Variants in ZNF189 observed in about 807,000 individuals in gnomAD.
ZNF189 encodes zinc finger protein 189.
A neutral mutation model predicts 53.5 loss-of-function variants in ZNF189; 33 were observed. The observed-to-expected ratio is 0.62, with a 90% CI of 0.47 to 0.82. The LOEUF is 0.82. ZNF189 is among the 40% of genes least tolerant of loss of function. ZNF189 has a pLI of 0.00. For missense variants in ZNF189, 711 were observed against 753.9 expected (o/e 0.94, Z 0.67); for synonymous variants, 247 against 238.8 (o/e 1.03, Z -0.32).
rs75565993 is a variant in ZNF189, at chr9:101,400,740, A to G, written c.160+730A>G. ...TTTCCACTTTTACTCAGCACCTTAC[A>G]TCATTGATCATACCAGTTTTGTCAT... is the stretch of plus-strand genomic sequence containing the variant. On this transcript the variant is annotated intron_variant, in intron 2 of 2. Coordinates refer to ENST00000339664, the MANE Select transcript of ZNF189 (RefSeq NM_003452.4). Among the ~76,000 whole-genome samples the G allele has an allele frequency of 3.1e-3, 469 of 152,302 alleles. 3 individuals carry two copies. Among genetic ancestry groups the G allele is most frequent in the African/African-American group, 0.011 (439 of 41,564 alleles).
At chr9:101,403,998 C>T (rs950002414) in intron 2 of ZNF189, among the ~76,000 whole-genome samples, 2 of 152,172 alleles carry the variant, frequency 1.3e-5, no homozygotes, top group African/African-American at 2.4e-5. Flanking sequence ...AGCTACCTTC[C>T]GAATAACTAG....
At chr9:101,405,700 G>A (rs1273962990) in intron 2 of ZNF189, among the ~76,000 whole-genome samples, 1 of 152,126 alleles carries the variant, frequency 6.6e-6, no homozygotes, top group Non-Finnish European at 1.5e-5. Context: ...ATGTGGTAGT[G>A]TAGAAACCAA....
intron 2 of ZNF189, among the ~76,000 whole-genome samples, chr9:101,404,510 G>T (rs76434113): frequency 0.014 from 2,130 of 152,078 alleles, 29 homozygotes; most frequent in Middle Eastern, 0.028. Flanking sequence ...TATTTTTATG[G>T]ATCTTACACA....
chr9:101,408,770 C>T lies in ZNF189; in HGVS notation c.1002C>T (p.His334=). The T allele has an allele frequency of 1.2e-6, 2 of 1,613,782 alleles. No individual in the cohort carries two copies. The highest frequency in any genetic ancestry group is 1.7e-6 in the Non-Finnish European group (2 of 1,179,912). ...GATTAAGCACATACCTTATACAACA[C>T]CAAAAAATTCACACTGGCGAGAAGC... ...AFRLSTYLIQ[H]QKIHTGEKPF... Residue 334 remains histidine, a synonymous_variant, in exon 3 of 3, where the codon CAC becomes CAT. Coordinates refer to ENST00000339664, the MANE Select transcript of ZNF189 (RefSeq NM_003452.4).
In ZNF189 at chr9:101,407,139, AT is replaced by A. The variant is rs542257146; in HGVS notation, c.161-786del. ...CCCTTTATTATTGTTTTTAAAAGCC[AT>A]TTTGTCTCTTTATACAGGAGCTGCT... is the stretch of plus-strand genomic sequence containing the variant. On this transcript the variant is annotated intron_variant, in intron 2 of 2. Coordinates refer to ENST00000339664, the MANE Select transcript of ZNF189 (RefSeq NM_003452.4). Among the ~76,000 whole-genome samples the A allele has an allele frequency of 3.1e-3, 478 of 152,130 alleles. 1 individual carries two copies. The highest frequency in any genetic ancestry group is 0.024 in the Middle Eastern group (7 of 294).
intron 2 of ZNF189, among the ~76,000 whole-genome samples, chr9:101,402,679 T>C (rs1173098961): frequency 6.6e-6 from 1 of 152,220 alleles, no homozygotes; most frequent in Non-Finnish European, 1.5e-5. Context: ...ATTCTATATA[T>C]GTTACTTTTC....
At chr9:101,407,511 A>G (rs959461077) in intron 2 of ZNF189, 7 of 400,136 alleles carry the variant, frequency 1.7e-5, no homozygotes, top group Admixed American at 4.4e-5. Flanking sequence ...CACCTCAGCT[A>G]CCTGAGTAGC....
intron 2 of ZNF189, among the ~76,000 whole-genome samples, chr9:101,401,437 T>C (rs765057835): frequency 3.9e-5 from 6 of 152,226 alleles, no homozygotes; most frequent in Non-Finnish European, 5.9e-5. Flanking sequence ...CAGTCATTCT[T>C]TTTTCCCTTT....
chr9:101,406,352 G>A (rs1462604239), intron 2 of ZNF189, among the ~76,000 whole-genome samples: 3 of 152,186 alleles, frequency 2.0e-5, no homozygotes, highest in Non-Finnish European at 2.9e-5. Flanking sequence ...GAGGAAAGAC[G>A]GGATAATTAA....
At chr9:101,406,188 G>A (rs1009798035) in intron 2 of ZNF189, among the ~76,000 whole-genome samples, 2 of 152,190 alleles carry the variant, frequency 1.3e-5, no homozygotes, top group Middle Eastern at 3.4e-3. Flanking sequence ...GGAAGAGGTT[G>A]GGCTTGGAAA....
chr9:101,409,319 T>C lies in ZNF189; in HGVS notation c.1551T>C (p.Cys517=). ...AGAGACCCTATCTGTGCAGACAGTG[T>C]GGAAAAAGCTTTAGTCAGCTTTGTA... is the stretch of plus-strand genomic sequence containing the variant. ...TGERPYLCRQ[C]GKSFSQLCNL... Residue 517 remains cysteine (C), a synonymous_variant, in exon 3 of 3, where the codon TGT becomes TGC. Transcript: ENST00000339664. The C allele has an allele frequency of 6.2e-7, 1 of 1,614,172 alleles. No homozygotes were observed.
rs375529438 is a variant in ZNF189, at chr9:101,408,780, C to G, written c.1012C>G (p.His338Asp). 28 of 1,613,882 alleles carry G rather than the reference C, an allele frequency of 1.7e-5. No individual in the cohort carries two copies. The highest frequency in any genetic ancestry group is 2.4e-5 in the Non-Finnish European group (28 of 1,179,992). Residue 338 changes from histidine (H) to aspartate (D), a missense_variant, in exon 3 of 3, where the codon CAC becomes GAC. Coordinates refer to ENST00000339664, the MANE Select transcript of ZNF189 (RefSeq NM_003452.4). ...ATACCTTATACAACACCAAAAAATT[C>G]ACACTGGCGAGAAGCCTTTTCTTTG... The part of the protein sequence containing the change: ...STYLIQHQKI[H>D]TGEKPFLCIE...
At position 101,410,150 on chromosome 9, in the gene ZNF189, T is replaced by G. The variant is rs1438136991; in HGVS notation, c.*501T>G. On this transcript the variant is annotated 3_prime_UTR_variant, in exon 3 of 3. Transcript: ENST00000339664. Reference sequence around the variant, plus strand: ...CAAGTATACAGTTTTTGTCATTGTTTAAGAAAGCCAGTTGTTTGGCATGTG... The same window carrying G: ...CAAGTATACAGTTTTTGTCATTGTTGAAGAAAGCCAGTTGTTTGGCATGTG... The G allele has an allele frequency of 6.5e-6, 1 of 153,328 alleles. No individual in the cohort carries two copies. Among genetic ancestry groups the G allele is most frequent in the African/African-American group, 2.4e-5 (1 of 41,468 alleles). The allele number at this position is 153,328 out of a possible 1,614,324, so 9.5% of individuals were successfully genotyped here. A position where few individuals can be genotyped will look rare whatever the true frequency, so the allele number is the denominator to read the frequency against.
intron 2 of ZNF189, 34 bp from the exon 3 acceptor site, chr9:101,407,895 G>C (rs1256963964): frequency 6.7e-7 from 1 of 1,483,228 alleles, no homozygotes; most frequent in African/African-American, 1.4e-5. Flanking sequence ...CAAAGACCTT[G>C]GTTGATCTTT....
chr9:101,407,207 A>AT (rs1267323161), intron 2 of ZNF189, among the ~76,000 whole-genome samples: 1 of 151,300 alleles, frequency 6.6e-6, no homozygotes, highest in African/African-American at 2.4e-5. Flanking sequence ...TTCTTTCCCC[A>AT]TTTTTTACTT....
At chr9:101,399,261 C>T (rs1025498044) in intron 1 of ZNF189, 72 bp downstream of exon 1, 35 of 1,388,266 alleles carry the variant, frequency 2.5e-5, no homozygotes, top group East Asian at 7.6e-5. Flanking sequence ...ACTGCTTTCT[C>T]CCCCAGGCCC....
chr9:101,401,563 G>C (rs1245142310), intron 2 of ZNF189, among the ~76,000 whole-genome samples: 1 of 152,182 alleles, frequency 6.6e-6, no homozygotes, highest in Non-Finnish European at 1.5e-5. Context: ...CTATGAGTCA[G>C]ACTCTCCCTC....
At chr9:101,401,025 G>A (rs1830512112) in intron 2 of ZNF189, among the ~76,000 whole-genome samples, 1 of 152,148 alleles carries the variant, frequency 6.6e-6, no homozygotes, top group Admixed American at 6.5e-5. Context: ...CTAATCACCA[G>A]CAAGCTCTCT....
chr9:101,408,511 T>C lies in ZNF189; in HGVS notation c.743T>C (p.Val248Ala). The change falls in exon 3 of 3, where the codon GTT becomes GCT. Residue 248 changes from valine to alanine, a missense_variant. By Grantham distance (64) the Val-to-Ala change is moderately conservative. Transcript: ENST00000339664. ...KQSFSQRRSL[V>A]KHQRIHTGEK... ...AGCTTCAGCCAGAGAAGGAGCCTTG[T>C]TAAACATCAAAGGATTCATACAGGT... 1 of 1,614,198 alleles carries C rather than the reference T, an allele frequency of 6.2e-7. No homozygotes were observed. The highest frequency in any genetic ancestry group is 1.1e-5 in the South Asian group (1 of 91,082).
Sources: gnomAD v4.1 joint callset for allele counts (sites outside exome capture counted in the v4.1 genomes callset) on GRCh38, gnomAD v4.1.1 for gene constraint, MANE v1.5 for transcripts, NCBI Gene and HGNC (gene_info 2026-07-23, HGNC 2026-07-21) for gene names.